The following FSTL5 variants were observed in gnomAD, a reference collection of about 807,000 sequenced individuals.
FSTL5 encodes follistatin-related protein 5.
FSTL5 carries 62 observed loss-of-function variants against 89.1 expected under a neutral mutation model. That is an observed-to-expected ratio of 0.70 (90% CI 0.57 to 0.86). The LOEUF is 0.86. Among genes scored for constraint, FSTL5 ranks in the 40% least tolerant of loss-of-function variants. The pLI is 0.00. For missense variants in FSTL5, 1,057 were observed against 1,001.6 expected (o/e 1.06, Z -0.75); for synonymous variants, 383 against 346.2 (o/e 1.11, Z -1.18).
intron 1 of FSTL5, among the ~76,000 whole-genome samples, chr4:162,151,794 A>AATTTTGCAACTTCAAAAAGTT (rs1354584147): frequency 5.9e-5 from 9 of 152,118 alleles, no homozygotes; most frequent in Non-Finnish European, 1.3e-4. Flanking sequence ...AACAATTCCG[A>AATTTTGCAACTTCAAAAAGTT]ATTTTGCAAC....
At chr4:162,012,506 T>C (rs987066641) in intron 3 of FSTL5, among the ~76,000 whole-genome samples, 1 of 152,166 alleles carries the variant, frequency 6.6e-6, no homozygotes, top group African/African-American at 2.4e-5. Flanking sequence ...AATTCAACCG[T>C]ATTTCAAAAC....
intron 10 of FSTL5, among the ~76,000 whole-genome samples, chr4:161,519,362 T>C (rs564316784): frequency 1.1e-3 from 170 of 152,016 alleles, no homozygotes; most frequent in South Asian, 2.7e-3. Context: ...CTGTCTCTAC[T>C]AAAAATATAA....
intron 6 of FSTL5, among the ~76,000 whole-genome samples, chr4:161,683,038 C>G (rs1014816309): frequency 3.9e-5 from 6 of 152,102 alleles, no homozygotes; most frequent in Non-Finnish European, 7.3e-5. Flanking sequence ...AGCCACCGTG[C>G]CCGGCCAACT....
intron 3 of FSTL5, among the ~76,000 whole-genome samples, chr4:162,014,091 C>T (rs867251767): frequency 6.6e-6 from 1 of 152,300 alleles, no homozygotes; most frequent in South Asian, 2.1e-4. Flanking sequence ...GGCAGCTTGA[C>T]TTGCTCCACC....
intron 4 of FSTL5, among the ~76,000 whole-genome samples, chr4:161,873,702 A>G (rs1291555153): frequency 6.6e-6 from 1 of 150,820 alleles, no homozygotes; most frequent in Admixed American, 6.7e-5. Context: ...CAATGCCTGC[A>G]TTATCAATTA....
chr4:161,410,345 G>T (rs533577708), intron 15 of FSTL5, among the ~76,000 whole-genome samples: 13 of 152,192 alleles, frequency 8.5e-5, no homozygotes, highest in Admixed American at 2.6e-4. Flanking sequence ...AAAAAATTGT[G>T]CACTTTACCT....
At chr4:161,870,695 GTTGTAT>G in intron 4 of FSTL5, among the ~76,000 whole-genome samples, 1 of 152,030 alleles carries the variant, frequency 6.6e-6, no homozygotes, top group East Asian at 1.9e-4. Flanking sequence ...TTACCTTAAG[GTTGTAT>G]TAGAATTCAA....
At chr4:161,952,557 A>G (rs1410152296) in intron 3 of FSTL5, among the ~76,000 whole-genome samples, 1 of 151,952 alleles carries the variant, frequency 6.6e-6, no homozygotes, top group Non-Finnish European at 1.5e-5. Flanking sequence ...AGTGTAAGAA[A>G]TCATGTCTTA....
At chr4:161,878,355 G>T (rs1489531353) in intron 4 of FSTL5, among the ~76,000 whole-genome samples, 1 of 152,028 alleles carries the variant, frequency 6.6e-6, no homozygotes, top group African/African-American at 2.4e-5. Context: ...ATGGTTTGAC[G>T]ATTTGAGAAG....
chr4:161,728,614 TAATC>T (rs1355791785), intron 6 of FSTL5, among the ~76,000 whole-genome samples: 1 of 152,072 alleles, frequency 6.6e-6, no homozygotes, highest in African/African-American at 2.4e-5. Flanking sequence ...ACAAAGAAGA[TAATC>T]AATATTCAAC....
intron 2 of FSTL5, among the ~76,000 whole-genome samples, chr4:162,085,178 A>G (rs1730260661): frequency 1.3e-5 from 2 of 152,084 alleles, no homozygotes. Context: ...TTCATCCTGA[A>G]TATTCTATTT....
intron 7 of FSTL5, among the ~76,000 whole-genome samples, chr4:161,644,791 C>T (rs371491704): frequency 2.6e-5 from 4 of 152,058 alleles, no homozygotes; most frequent in South Asian, 2.1e-4. Context: ...AGGTTGAAAG[C>T]GAAGGAGAAG....
intron 7 of FSTL5, among the ~76,000 whole-genome samples, chr4:161,642,085 T>TTGA (rs1218264166): frequency 2.0e-5 from 3 of 152,168 alleles, no homozygotes; most frequent in Non-Finnish European, 4.4e-5. Context: ...GAGATGCAGC[T>TTGA]TGATGATTCG....
At chr4:161,444,899 T>A (rs557000220) in intron 15 of FSTL5, among the ~76,000 whole-genome samples, 300 of 152,064 alleles carry the variant, frequency 2.0e-3, no homozygotes, top group Non-Finnish European at 3.4e-3. Flanking sequence ...GATTCACCAT[T>A]TGTAGAATGG....
intron 3 of FSTL5, among the ~76,000 whole-genome samples, chr4:161,977,936 C>G (rs945884190): frequency 5.3e-5 from 8 of 151,960 alleles, no homozygotes; most frequent in African/African-American, 1.9e-4. Flanking sequence ...AAGAAATTAC[C>G]ATATAAAATC....
intron 3 of FSTL5, among the ~76,000 whole-genome samples, chr4:162,009,838 A>C (rs2111127307): frequency 6.6e-6 from 1 of 152,102 alleles, no homozygotes; most frequent in African/African-American, 2.4e-5. Context: ...ACTTCTAATC[A>C]ATTTTCTACA....
At chr4:162,083,514 C>G (rs1234162693) in intron 2 of FSTL5, among the ~76,000 whole-genome samples, 1 of 150,746 alleles carries the variant, frequency 6.6e-6, no homozygotes, top group Middle Eastern at 3.3e-3. Flanking sequence ...CAAAATTACA[C>G]AGCTTTATTA....
intron 1 of FSTL5, among the ~76,000 whole-genome samples, chr4:162,145,309 G>A (rs17042069): frequency 0.23 from 35,321 of 151,802 alleles, 4,300 homozygotes; most frequent in Non-Finnish European, 0.26. Flanking sequence ...CACACAAAGC[G>A]TAAGTGGGAT....
At chr4:161,882,763 C>G (rs1314068092) in intron 4 of FSTL5, among the ~76,000 whole-genome samples, 1 of 151,950 alleles carries the variant, frequency 6.6e-6, no homozygotes, top group Non-Finnish European at 1.5e-5. Context: ...TTTCCATTTA[C>G]AGTGGAATAA....
Sources: allele counts gnomAD v4.1 joint callset (sites outside exome capture counted in the v4.1 genomes callset), GRCh38; gene constraint gnomAD v4.1.1; transcripts MANE v1.5; gene names NCBI Gene and HGNC (gene_info 2026-07-23, HGNC 2026-07-21).